The following NUP155 variants were observed in gnomAD, a reference collection of about 807,000 sequenced individuals.
The protein encoded by NUP155 is nucleoporin 155.
In NUP155, 71 loss-of-function variants were observed where a neutral mutation model predicts 180.4. That is an observed-to-expected ratio of 0.39 (90% confidence interval 0.33 to 0.48). The LOEUF is 0.48. Among genes scored for constraint, NUP155 ranks in the 20% least tolerant of loss-of-function variants. NUP155 has a pLI of 0.91. For missense variants in NUP155, 1,553 were observed against 1,648.9 expected (o/e 0.94, Z 1.01); for synonymous variants, 582 against 559.5 (o/e 1.04, Z -0.57).
chr5:37,291,888 A>T lies in NUP155; in HGVS notation c.*12T>A, dbSNP rs375816854. 1 of 1,612,948 alleles carries T rather than the reference A, an allele frequency of 6.2e-7. No individual in the cohort carries two copies. The highest frequency in any genetic ancestry group is 8.5e-7 in the Non-Finnish European group (1 of 1,178,968). ...TACAGATCATAAAACGGATGAAAGT[A>T]TATCACAGTAATTAATGAAGCCGTT... is the stretch of plus-strand genomic sequence containing the variant. On this transcript the variant is annotated 3_prime_UTR_variant, in exon 35 of 35. Transcript: ENST00000231498.
Position 37,324,053 on chromosome 5 carries a change from C to G in NUP155, c.2146G>C (p.Gly716Arg), listed in dbSNP as rs200783324. Residue 716 changes from glycine (G) to arginine (R), a missense_variant, in exon 20 of 35, where the codon GGT becomes CGT. Transcript: ENST00000231498. The stretch of plus-strand genomic sequence containing the variant: ...TTTCTGTCTAGAAATTCCTGCAAAC[C>G]CTTTAGTTCTTGTAGCACTGACTCT... The part of the protein sequence containing the change: ...LLESVLQELK[G>R]LQEFLDRNSQ... 1.0e-4 allele frequency: 163 copies of G among 1,613,740 alleles called. No homozygotes were observed. Among genetic ancestry groups the G allele is most frequent in the Non-Finnish European group, 1.3e-4 (153 of 1,179,900 alleles).
intron 3 of NUP155, among the ~76,000 whole-genome samples, chr5:37,363,063 C>T (rs2111711687): frequency 6.6e-6 from 1 of 152,240 alleles, no homozygotes; most frequent in East Asian, 1.9e-4. Context: ...AGGCATGTGC[C>T]ACCACACTTG....
In NUP155 at chr5:37,304,896, A is replaced by C; in HGVS notation, c.3058-53T>G. The stretch of plus-strand genomic sequence containing the variant: ...GCAGTTAAAGGCTCTGTTTCTGGGC[A>C]TCACAACCCTTTAGCCCTATAAACT... On this transcript the variant is annotated intron_variant, in intron 26 of 34. Transcript: ENST00000231498. 2.0e-6 allele frequency: 3 copies of C among 1,536,982 alleles called. No individual in the cohort carries two copies. In the South Asian group the frequency reaches 3.4e-5, roughly 17 times the overall value.
chr5:37,371,053 C>A lies in NUP155; in HGVS notation c.-76G>T. 1 of 1,525,624 alleles carries A rather than the reference C, an allele frequency of 6.6e-7. No homozygotes were observed. The highest frequency in any genetic ancestry group is 9.0e-7 in the Non-Finnish European group (1 of 1,114,206). The allele number at this position is 1,525,624 out of a possible 1,614,324, so 94.5% of individuals were successfully genotyped here. ...AACAAGAAAAGATCCAAGAAGTTAG[C>A]TTAGATCCGCCGCCTAGGGCGCGCG... On this transcript the variant is annotated 5_prime_UTR_variant, in exon 1 of 35. Transcript: ENST00000231498.
chr5:37,352,900 C>T, intron 4 of NUP155, 71 bp from the exon 5 acceptor site: 1 of 1,015,036 alleles, frequency 9.9e-7, no homozygotes, highest in South Asian at 1.3e-5. Flanking sequence ...CTTTTATTAC[C>T]ATTAAAGTGA....
intron 1 of NUP155, among the ~76,000 whole-genome samples, chr5:37,368,314 G>A (rs565528938): frequency 7.3e-6 from 1 of 137,440 alleles, no homozygotes; most frequent in South Asian, 2.4e-4. Context: ...CAACCTCCCC[G>A]TCTCAAGTTA....
intron 19 of NUP155, among the ~76,000 whole-genome samples, chr5:37,325,539 CA>C (rs1488585326): frequency 6.6e-6 from 1 of 152,076 alleles, no homozygotes; most frequent in African/African-American, 2.4e-5. Context: ...GAAGCCAAGG[CA>C]GGTGGTTTGC....
chr5:37,365,380 G>C (rs1747491735), intron 1 of NUP155, among the ~76,000 whole-genome samples: 1 of 151,812 alleles, frequency 6.6e-6, no homozygotes, highest in Non-Finnish European at 1.5e-5. Context: ...ATTTCACATT[G>C]CATGCCTGTA....
intron 4 of NUP155, among the ~76,000 whole-genome samples, chr5:37,355,868 A>G (rs1042435609): frequency 5.9e-5 from 9 of 151,460 alleles, no homozygotes; most frequent in African/African-American, 1.9e-4. Flanking sequence ...TCAAGCCACC[A>G]TGTCCAGCCA....
intron 6 of NUP155, among the ~76,000 whole-genome samples, chr5:37,350,580 G>C (rs753738183): frequency 6.6e-6 from 1 of 152,106 alleles, no homozygotes; most frequent in Non-Finnish European, 1.5e-5. Context: ...AAGGCAGGTG[G>C]ATCATTTGAG....
intron 29 of NUP155, among the ~76,000 whole-genome samples, 183 bp from the exon 30 acceptor site, chr5:37,301,733 G>C (rs1742873823): frequency 6.6e-6 from 1 of 152,192 alleles, no homozygotes; most frequent in South Asian, 2.1e-4. Context: ...TTCACAGGAA[G>C]TATACTGTGG....
At chr5:37,369,176 CATGAGTTAGAGGCTGCA>C (rs1747799038) in intron 1 of NUP155, among the ~76,000 whole-genome samples, 2 of 152,012 alleles carry the variant, frequency 1.3e-5, no homozygotes, top group Non-Finnish European at 2.9e-5. Context: ...CACTTGAGCT[CATGAGTTAGAGGCTGCA>C]ATGAGCTGTG....
intron 19 of NUP155, among the ~76,000 whole-genome samples, chr5:37,324,574 T>A (rs1744460071): frequency 6.6e-6 from 1 of 152,042 alleles, no homozygotes. Flanking sequence ...TTTTTTTTTT[T>A]GAGAGACAGC....
At chr5:37,345,202 TATATTGTTATGTAACAGA>T (rs1461557618) in intron 9 of NUP155, among the ~76,000 whole-genome samples, 1 of 151,392 alleles carries the variant, frequency 6.6e-6, no homozygotes, top group Non-Finnish European at 1.5e-5. Context: ...ATGGACTAAG[TATATTGTTATGTAACAGA>T]CTAAAGGCAT....
At chr5:37,339,665 A>C (rs1745583749) in intron 11 of NUP155, among the ~76,000 whole-genome samples, 3 of 152,186 alleles carry the variant, frequency 2.0e-5, no homozygotes, top group Admixed American at 2.0e-4. Flanking sequence ...TTCTGTATTC[A>C]TGGATTTGAA....
Position 37,301,539 on chromosome 5 carries a change from G to T in NUP155, c.3459C>A (p.Ile1153=). 6.2e-7 allele frequency: 1 copy of T among 1,607,016 alleles called. No homozygotes were observed. Among genetic ancestry groups the T allele is most frequent in the South Asian group, 1.1e-5 (1 of 90,922 alleles). ...ELEEKMEVAR[I]QLQIQETLQR... Reference sequence around the variant, plus strand: ...GTAGTGTCTCCTGTATCTGAAGTTGGATCCTAGCAACCTAGTTTGGGCAGA... The same window carrying T: ...GTAGTGTCTCCTGTATCTGAAGTTGTATCCTAGCAACCTAGTTTGGGCAGA... Residue 1153 remains isoleucine, a synonymous_variant, in exon 30 of 35, where the codon ATC becomes ATA. Transcript: ENST00000231498.
chr5:37,319,765 G>A (rs1454330949), intron 20 of NUP155, among the ~76,000 whole-genome samples: 1 of 152,156 alleles, frequency 6.6e-6, no homozygotes, highest in Non-Finnish European at 1.5e-5. Context: ...CAACTACTCA[G>A]GAGGCTGAGG....
At chr5:37,309,346 A>G in intron 23 of NUP155, 79 bp from the exon 24 acceptor site, 2 of 1,156,188 alleles carry the variant, frequency 1.7e-6, no homozygotes, top group Non-Finnish European at 2.5e-6. Flanking sequence ...GTTTTAGTCT[A>G]TGTCTAAATT....
rs1044790573 is a variant in NUP155, at chr5:37,334,778, A to G, written c.1348-1145T>C. ...AGATAAACTATAAATACTCTTTAAT[A>G]AAATTATAATTCTCTTAACCAAGTA... On this transcript the variant is annotated intron_variant, in intron 12 of 34. Coordinates refer to ENST00000231498, the MANE Select transcript of NUP155 (RefSeq NM_153485.3). Among the ~76,000 whole-genome samples the G allele has an allele frequency of 7.9e-5, 12 of 152,352 alleles. No individual in the cohort carries two copies. In the East Asian group the frequency reaches 2.3e-3, roughly 29 times the overall value.
Sources: allele counts gnomAD v4.1 joint callset (sites outside exome capture counted in the v4.1 genomes callset), GRCh38; gene constraint gnomAD v4.1.1; transcripts MANE v1.5; gene names NCBI Gene and HGNC (gene_info 2026-07-23, HGNC 2026-07-21).